ATXN8OS: variants seen among roughly 807,000 people sequenced by gnomAD.
ATXN8OS encodes ATXN8 opposite strand lncRNA.
At chr13:70,114,686 A>C (rs1888248448) in intron 1 of ATXN8OS, among the ~76,000 whole-genome samples, 1 of 152,170 alleles carries the variant, frequency 6.6e-6, no homozygotes, top group South Asian at 2.1e-4. Flanking sequence ...TGACTCAAGA[A>C]ACTAAGAAAG....
intron 2 of ATXN8OS, among the ~76,000 whole-genome samples, chr13:70,123,084 C>T (rs1042273782): frequency 7.2e-5 from 11 of 151,992 alleles, no homozygotes; most frequent in Non-Finnish European, 1.2e-4. Context: ...TCTAGGTCTT[C>T]CTATATCCTG....
At chr13:70,131,480 G>A (rs937171125) in intron 3 of ATXN8OS, 26 of 398,300 alleles carry the variant, frequency 6.5e-5, no homozygotes, top group Non-Finnish European at 1.1e-4. Flanking sequence ...CTTTTCTCCA[G>A]TCTCATTTTA....
intron 2 of ATXN8OS, among the ~76,000 whole-genome samples, chr13:70,115,691 T>G (rs1888269251): frequency 6.6e-6 from 1 of 152,108 alleles, no homozygotes; most frequent in African/African-American, 2.4e-5. Flanking sequence ...ATGGATGGTT[T>G]TGAGTTTATC....
intron 2 of ATXN8OS, among the ~76,000 whole-genome samples, chr13:70,125,184 T>G (rs1483674384): frequency 6.6e-6 from 1 of 152,160 alleles, no homozygotes; most frequent in Non-Finnish European, 1.5e-5. Context: ...TATCCTCTGC[T>G]ATTTCTCAAT....
chr13:70,144,404 G>A (rs1304482034), intron 3 of ATXN8OS, among the ~76,000 whole-genome samples: 1 of 151,960 alleles, frequency 6.6e-6, no homozygotes. Flanking sequence ...TAACCTAGTT[G>A]AGTAATTATT....
intron 2 of ATXN8OS, among the ~76,000 whole-genome samples, chr13:70,123,149 C>T (rs1434910534): frequency 6.6e-6 from 1 of 151,892 alleles, no homozygotes; most frequent in Non-Finnish European, 1.5e-5. Context: ...AAGTAAATTG[C>T]AAAACTCTTA....
At chr13:70,124,237 T>C (rs1424412712) in intron 2 of ATXN8OS, among the ~76,000 whole-genome samples, 1 of 152,108 alleles carries the variant, frequency 6.6e-6, no homozygotes, top group Non-Finnish European at 1.5e-5. Context: ...AAATAATTAA[T>C]AATGTCACCT....
At chr13:70,141,254 C>T (rs1284359028) in intron 3 of ATXN8OS, among the ~76,000 whole-genome samples, 1 of 152,108 alleles carries the variant, frequency 6.6e-6, no homozygotes, top group East Asian at 1.9e-4. Flanking sequence ...TTACTGCTAT[C>T]TCCTGGAAAT....
At chr13:70,135,471 A>G (rs1310991297) in intron 3 of ATXN8OS, among the ~76,000 whole-genome samples, 1 of 151,766 alleles carries the variant, frequency 6.6e-6, no homozygotes, top group Non-Finnish European at 1.5e-5. Flanking sequence ...TTTTTGATAA[A>G]CTGTCTATTC....
intron 2 of ATXN8OS, among the ~76,000 whole-genome samples, chr13:70,126,137 C>T (rs1290207124): frequency 6.6e-6 from 1 of 152,078 alleles, no homozygotes; most frequent in Non-Finnish European, 1.5e-5. Context: ...TATATTTGTA[C>T]AAGTGTTAAC....
At chr13:70,135,344 A>G (rs1416729005) in intron 3 of ATXN8OS, among the ~76,000 whole-genome samples, 2 of 151,054 alleles carry the variant, frequency 1.3e-5, no homozygotes, top group African/African-American at 2.4e-5. Flanking sequence ...ATGACACCAA[A>G]CTCCTTATCC....
At chr13:70,137,891 T>C (rs1888639640) in intron 3 of ATXN8OS, among the ~76,000 whole-genome samples, 1 of 152,226 alleles carries the variant, frequency 6.6e-6, no homozygotes, top group African/African-American at 2.4e-5. Context: ...GAAGCATGGC[T>C]GGTAAGCCTC....
intron 1 of ATXN8OS, among the ~76,000 whole-genome samples, chr13:70,114,524 G>T (rs962557559): frequency 1.3e-5 from 2 of 151,842 alleles, no homozygotes; most frequent in Admixed American, 6.6e-5. Flanking sequence ...AATAATAGCG[G>T]CAAAAGGAAT....
intron 4 of ATXN8OS, among the ~76,000 whole-genome samples, chr13:70,150,586 T>G (rs1888853536): frequency 1.3e-5 from 2 of 152,088 alleles, no homozygotes; most frequent in Admixed American, 1.3e-4. Context: ...TGGTAAGACA[T>G]TAAACAGACA....
At chr13:70,114,635 A>G (rs936582417) in intron 1 of ATXN8OS, among the ~76,000 whole-genome samples, 1 of 152,040 alleles carries the variant, frequency 6.6e-6, no homozygotes, top group African/African-American at 2.4e-5. Context: ...TGTATGAAAC[A>G]TTTTATACAT....
intron 4 of ATXN8OS, among the ~76,000 whole-genome samples, chr13:70,148,975 G>A (rs894813346): frequency 2.0e-5 from 3 of 152,068 alleles, no homozygotes; most frequent in Non-Finnish European, 4.4e-5. Context: ...ATGTAAATAT[G>A]AATCTCAACT....
chr13:70,132,859 T>TG (rs370000443), intron 3 of ATXN8OS, among the ~76,000 whole-genome samples: 28,491 of 90,150 alleles, frequency 0.32, 3,929 homozygotes, highest in African/African-American at 0.51. Context: ...CTAAAGTCTA[T>TG]TTTTTTTTTT....
At chr13:70,119,426 G>C (rs377538190) in intron 2 of ATXN8OS, among the ~76,000 whole-genome samples, 2 of 152,076 alleles carry the variant, frequency 1.3e-5, no homozygotes, top group South Asian at 4.1e-4. Flanking sequence ...GTCTTTCTCT[G>C]ACCCAGTTCT....
chr13:70,158,383 A>T (rs889043786), intron 4 of ATXN8OS, among the ~76,000 whole-genome samples: 1 of 152,142 alleles, frequency 6.6e-6, no homozygotes, highest in Non-Finnish European at 1.5e-5. Flanking sequence ...ACGCCACTGC[A>T]CTCCAGCCTG....
Sources: gnomAD v4.1 joint callset for allele counts (sites outside exome capture counted in the v4.1 genomes callset) on GRCh38, gnomAD v4.1.1 for gene constraint, MANE v1.5 for transcripts, NCBI Gene and HGNC (gene_info 2026-07-23, HGNC 2026-07-21) for gene names.